The following JAKMIP3 variants were observed in gnomAD, a reference collection of about 807,000 sequenced individuals.
JAKMIP3 encodes janus kinase and microtubule-interacting protein 3.
Under a neutral mutation model 118.5 loss-of-function variants are expected in JAKMIP3, and 58 were observed. That is an observed-to-expected ratio of 0.49 (90% CI 0.40 to 0.61). The LOEUF is 0.61. JAKMIP3 is among the 20% of genes least tolerant of loss of function. The probability of loss-of-function intolerance (pLI) is 0.00; values close to 1 mark genes in which losing one functional copy is unlikely to be tolerated. For synonymous variants in JAKMIP3, 486 were observed against 451.2 expected (o/e 1.08, Z -0.98); for missense variants, 950 against 1,109.0 (o/e 0.86, Z 2.04).
At chr10:132,172,757 C>G (rs1438788085) in intron 23 of JAKMIP3, among the ~76,000 whole-genome samples, 2 of 151,824 alleles carry the variant, frequency 1.3e-5, no homozygotes, top group African/African-American at 2.4e-5. Flanking sequence ...GGTCCATAAC[C>G]CCTTCCCCAG....
chr10:132,148,073 C>A (rs371432026), intron 14 of JAKMIP3, 23 bp downstream of exon 14: 13 of 1,457,066 alleles, frequency 8.9e-6, no homozygotes, highest in Middle Eastern at 3.4e-4. Context: ...ATGGCCAGCA[C>A]TGTGGCCTGT....
chr10:132,103,002 T>G (rs1589816301), intron 1 of JAKMIP3, among the ~76,000 whole-genome samples: 2 of 117,872 alleles, frequency 1.7e-5, no homozygotes, highest in African/African-American at 3.2e-5. Context: ...GATGGGGGCG[T>G]GGGGTGGGCC....
intron 1 of JAKMIP3, among the ~76,000 whole-genome samples, chr10:132,067,893 GTGGGCTTCTGTGTGGACTC>G (rs1177765797): frequency 4.8e-4 from 69 of 143,702 alleles, no homozygotes; most frequent in Non-Finnish European, 8.6e-4. Context: ...GGACTGGACT[GTGGGCTTCTGTGTGGACTC>G]TGGGCTTCTG....
Position 132,183,578 on chromosome 10 carries a change from G to A in JAKMIP3, c.*2325G>A, listed in dbSNP as rs891691149. On this transcript the variant is annotated 3_prime_UTR_variant, in exon 24 of 24. Coordinates refer to ENST00000684848, the MANE Select transcript of JAKMIP3 (RefSeq NM_001323087.2). Reference sequence around the variant, plus strand: ...ACCAAATCCTTATGAAGTTGTAATTGTTTATATGTAAAAAGTATGTATATA... The same window carrying A: ...ACCAAATCCTTATGAAGTTGTAATTATTTATATGTAAAAAGTATGTATATA... 7 of 152,192 alleles carry A rather than the reference G, an allele frequency of 4.6e-5. No homozygotes were observed. Among genetic ancestry groups the A allele is most frequent in the Non-Finnish European group, 8.8e-5 (6 of 68,040 alleles). The allele number at this position is 152,192 out of a possible 1,614,324, so 9.4% of individuals were successfully genotyped here.
intron 23 of JAKMIP3, among the ~76,000 whole-genome samples, chr10:132,178,365 G>A (rs532324164): frequency 1.6e-4 from 25 of 152,354 alleles, no homozygotes; most frequent in Admixed American, 1.1e-3. Flanking sequence ...AGGAGGAAGA[G>A]GGAGGAGGAG....
chr10:132,159,615 TGGGGGTCCTCTTCCTTTGTGATGCTG>T (rs2057681844), intron 19 of JAKMIP3, among the ~76,000 whole-genome samples: 1 of 75,116 alleles, frequency 1.3e-5, no homozygotes, highest in Non-Finnish European at 2.4e-5. Context: ...TATGTGATGC[TGGGGGTCCTCTTCCTTTGTGATGCTG>T]GGGGGCCTCT....
chr10:132,129,462 C>CT (rs1294599684), intron 3 of JAKMIP3, among the ~76,000 whole-genome samples: 1 of 152,216 alleles, frequency 6.6e-6, no homozygotes, highest in Non-Finnish European at 1.5e-5. Flanking sequence ...AGATCTTTGG[C>CT]ATTCCTTTTC....
Position 132,117,476 on chromosome 10 carries a change from G to A in JAKMIP3, c.535G>A (p.Asp179Asn), listed in dbSNP as rs1428322845. Residue 179 changes from aspartate (D) to asparagine (N), a missense_variant, in exon 3 of 24, where the codon GAC (aspartate) becomes AAC (asparagine). Coordinates refer to ENST00000684848, the MANE Select transcript of JAKMIP3 (RefSeq NM_001323087.2). The surrounding 1 kb of genome is among the most constrained non-coding windows in gnomAD (Gnocchi z 8.6). ...GGCGCTGACGCTGGTGATCCAAGCG[G>A]ACAAGATCAAGGCCGCAGAGATCCG... ...EEALTLVIQA[D>N]KIKAAEIRSV... 6.2e-7 allele frequency: 1 copy of A among 1,613,602 alleles called. No individual in the cohort carries two copies. The highest frequency in any genetic ancestry group is 1.1e-5 in the South Asian group (1 of 91,054).
chr10:132,072,077 G>C (rs1215634041), intron 1 of JAKMIP3, among the ~76,000 whole-genome samples: 8 of 151,648 alleles, frequency 5.3e-5, no homozygotes, highest in African/African-American at 1.5e-4. Context: ...TCAGCCTCTC[G>C]AGTAGCTGGG....
intron 2 of JAKMIP3, among the ~76,000 whole-genome samples, chr10:132,115,256 G>C (rs568426897): frequency 2.0e-5 from 2 of 97,884 alleles, no homozygotes; most frequent in South Asian, 5.5e-4. Flanking sequence ...GGGTCACCCT[G>C]GTGGGTCACC....
Position 132,180,736 on chromosome 10 carries a change from T to TGTGC in JAKMIP3, c.*1104-1620_*1104-1619insTGCG, listed in dbSNP as rs1331882918. On this transcript the variant is annotated intron_variant, in intron 23 of 23. Coordinates refer to ENST00000684848, the MANE Select transcript of JAKMIP3 (RefSeq NM_001323087.2). ...GTGTGTGTGCGTGTGTGTGCGTGTG[T>TGTGC]GCGTGCGTGCGCGCGCGTGTGTGCG... 2.5e-3 allele frequency among the ~76,000 whole-genome samples: 28 copies of TGTGC among 11,324 alleles called. 4 individuals carry two copies. Among genetic ancestry groups the TGTGC allele is most frequent in the African/African-American group, 6.6e-3 (15 of 2,270 alleles). 7.4% of individuals were successfully genotyped at this position (11,324 alleles called of 152,430 possible).
chr10:132,044,064 G>A lies in JAKMIP3; in HGVS notation c.-138+7326G>A, dbSNP rs187860864. On this transcript the variant is annotated intron_variant, in intron 1 of 23. Transcript: ENST00000657785. This position sits in a 1 kb window ranked among gnomAD's most constrained non-coding sequence, Gnocchi z 5.3. ...TAGGCTCTCAGGCAGTTCAGATACCGTGTGTGCAGTGGCGCTTGTGGCCCA... is the reference window on the plus strand; with the variant it reads ...TAGGCTCTCAGGCAGTTCAGATACCATGTGTGCAGTGGCGCTTGTGGCCCA... 3.3e-3 allele frequency among the ~76,000 whole-genome samples: 496 copies of A among 152,332 alleles called. 1 individual carries two copies. The highest frequency in any genetic ancestry group is 0.012 in the African/African-American group (483 of 41,582).
Position 132,117,029 on chromosome 10 carries a change from T to C in JAKMIP3, c.136-48T>C, listed in dbSNP as rs373374350. On this transcript the variant is annotated intron_variant, in intron 2 of 23. Coordinates refer to ENST00000684848, the MANE Select transcript of JAKMIP3 (RefSeq NM_001323087.2). This position sits in a 1 kb window ranked among gnomAD's most constrained non-coding sequence, Gnocchi z 8.6. ...AAATGCACATTCAGGTGTGAGTGTG[T>C]GCATGGCTGGAGCTCCTGCCACACT... The C allele has an allele frequency of 7.9e-5, 124 of 1,564,660 alleles. No individual in the cohort carries two copies. The African/African-American group carries it at 1.4e-3, about 17-fold the overall frequency.
Position 132,179,769 on chromosome 10 carries a change from A to G in JAKMIP3, c.*1104-2588A>G, listed in dbSNP as rs2060544104. Among the ~76,000 whole-genome samples, 1 of 152,118 alleles carries G rather than the reference A, an allele frequency of 6.6e-6. No homozygotes were observed. The highest frequency in any genetic ancestry group is 1.5e-5 in the Non-Finnish European group (1 of 68,022). ...CGCCACGGCAGGGTCACACCACAAC[A>G]GCCACACCATGGCACAGCCACACCA... is the stretch of plus-strand genomic sequence containing the variant. On this transcript the variant is annotated intron_variant, in intron 23 of 23. Coordinates refer to ENST00000684848, the MANE Select transcript of JAKMIP3 (RefSeq NM_001323087.2). This position sits in a 1 kb window ranked among gnomAD's most constrained non-coding sequence, Gnocchi z 4.3.
intron 3 of JAKMIP3, among the ~76,000 whole-genome samples, chr10:132,125,160 G>A (rs2049279045): frequency 6.6e-6 from 1 of 152,254 alleles, no homozygotes; most frequent in Admixed American, 6.5e-5. Context: ...CCGAGGGCGT[G>A]AAGTTGCCCC....
At chr10:132,089,333 T>C (rs987722186) in intron 1 of JAKMIP3, among the ~76,000 whole-genome samples, 5 of 152,234 alleles carry the variant, frequency 3.3e-5, no homozygotes, top group African/African-American at 1.2e-4. Flanking sequence ...ATACTTCCTA[T>C]CCATGAGCAT....
At chr10:132,176,536 T>G (rs2060152109) in intron 23 of JAKMIP3, among the ~76,000 whole-genome samples, 2 of 152,084 alleles carry the variant, frequency 1.3e-5, no homozygotes, top group African/African-American at 4.8e-5. Flanking sequence ...TCCCATCCCC[T>G]CCCCATGAGG....
intron 3 of JAKMIP3, among the ~76,000 whole-genome samples, chr10:132,119,916 C>T (rs912292606): frequency 6.6e-6 from 1 of 152,202 alleles, no homozygotes; most frequent in Non-Finnish European, 1.5e-5. Context: ...CAGAGATTCA[C>T]GTTTCCTGCC....
intron 22 of JAKMIP3, 98 bp from the exon 23 acceptor site, chr10:132,167,855 C>A: frequency 1.1e-6 from 1 of 896,910 alleles, no homozygotes; most frequent in Non-Finnish European, 1.5e-6. Flanking sequence ...CCTCGCCCCT[C>A]ACCCCTCGGC....
Sources: allele counts gnomAD v4.1 joint callset (sites outside exome capture counted in the v4.1 genomes callset), GRCh38; gene constraint gnomAD v4.1.1; non-coding constraint Gnocchi (gnomAD v3.1); transcripts MANE v1.5; gene names NCBI Gene and HGNC (gene_info 2026-07-23, HGNC 2026-07-21).